CEMIP: variants seen among roughly 807,000 people sequenced by gnomAD.
The protein encoded by CEMIP is cell migration-inducing and hyaluronan-binding protein.
CEMIP carries 105 observed loss-of-function variants against 156.9 expected under a neutral mutation model. The ratio of observed to expected loss-of-function variants is 0.67; its 90% confidence interval spans 0.57 to 0.79. The LOEUF is 0.79. CEMIP is among the 30% of genes least tolerant of loss of function. The probability of loss-of-function intolerance (pLI) is 0.00; values close to 1 mark genes in which losing one functional copy is unlikely to be tolerated. For synonymous variants in CEMIP, 676 were observed against 668.4 expected (o/e 1.01, Z -0.17); for missense variants, 1,457 against 1,769.4 (o/e 0.82, Z 3.17).
chr15:80,936,632 C>T (rs775593217), intron 23 of CEMIP, 42 bp from the exon 24 acceptor site: 29 of 1,526,928 alleles, frequency 1.9e-5, no homozygotes, highest in Middle Eastern at 1.7e-4. Context: ...AATAATCCTT[C>T]GTAATAGCCT....
chr15:80,865,020 C>T (rs553779335), intron 1 of CEMIP, among the ~76,000 whole-genome samples: 45 of 152,218 alleles, frequency 3.0e-4, no homozygotes, highest in African/African-American at 9.6e-4. Flanking sequence ...GGACCTTCTA[C>T]ACCACTCTGA....
chr15:80,873,706 C>T lies in CEMIP; in HGVS notation c.-17+10C>T. The T allele has an allele frequency of 1.6e-6, 1 of 629,858 alleles. No homozygotes were observed. Among genetic ancestry groups the T allele is most frequent in the South Asian group, 1.8e-5 (1 of 56,398 alleles). 39.0% of individuals were successfully genotyped at this position (629,858 alleles called of 1,614,324 possible). A position where few individuals can be genotyped will look rare whatever the true frequency, so the allele number is the denominator to read the frequency against. ...GCTGGGGAAGCCACTGGTGAGGACG[C>T]TGCACTGGAGTGTGGGCTGGCTGAG... is the stretch of plus-strand genomic sequence containing the variant. On this transcript the variant is annotated intron_variant, in intron 2 of 29. Coordinates refer to ENST00000394685, the MANE Select transcript of CEMIP (RefSeq NM_001293298.2).
At chr15:80,820,073 G>A (rs941349400) in intron 1 of CEMIP, among the ~76,000 whole-genome samples, 1 of 152,200 alleles carries the variant, frequency 6.6e-6, no homozygotes, top group African/African-American at 2.4e-5. Flanking sequence ...CTCGGCTAAG[G>A]TCACAGCTCC....
chr15:80,896,024 T>A lies in CEMIP; in HGVS notation c.1375T>A (p.Cys459Ser). 6.2e-7 allele frequency: 1 copy of A among 1,614,160 alleles called. No individual in the cohort carries two copies. Among genetic ancestry groups the A allele is most frequent in the Non-Finnish European group, 8.5e-7 (1 of 1,180,044 alleles). ...GGCAGAAGAGTTCCAGGTGCTTCCC[T>A]GCAGATCCTGCGCCCCCAACCAGGT... is the stretch of plus-strand genomic sequence containing the variant. Reference protein sequence around the residue: ...YQAEEFQVLPCRSCAPNQVKV... With the variant: ...YQAEEFQVLPSRSCAPNQVKV... Residue 459 changes from cysteine (C) to serine (S), a missense_variant, in exon 12 of 30, where the codon TGC becomes AGC. Cys to Ser is a moderately radical substitution (Grantham distance 112). This residue lies in a region of CEMIP where 280 missense variants were observed against 300.3 expected (regional missense o/e 0.93). Transcript: ENST00000394685.
intron 3 of CEMIP, among the ~76,000 whole-genome samples, chr15:80,874,897 C>T (rs1898418932): frequency 1.3e-5 from 2 of 151,864 alleles, no homozygotes; most frequent in Admixed American, 1.3e-4. Flanking sequence ...AAGAATCTTA[C>T]ATTGAATTTA....
chr15:80,835,081 CAGAGAGAG>C (rs36062989), intron 1 of CEMIP, among the ~76,000 whole-genome samples: 36 of 150,672 alleles, frequency 2.4e-4, no homozygotes, highest in South Asian at 8.4e-4. Context: ...GTCCTCATTG[CAGAGAGAG>C]AGAGAGAGAG....
intron 1 of CEMIP, among the ~76,000 whole-genome samples, chr15:80,819,921 C>CA (rs1190032999): frequency 1.3e-5 from 2 of 152,140 alleles, no homozygotes; most frequent in Admixed American, 1.3e-4. Context: ...AGTCAGGATT[C>CA]AAAGGCAAGT....
intron 18 of CEMIP, among the ~76,000 whole-genome samples, chr15:80,925,081 T>A (rs1246112384): frequency 6.6e-6 from 1 of 152,210 alleles, no homozygotes; most frequent in Non-Finnish European, 1.5e-5. Context: ...GTCATGCCTA[T>A]AAATAAGCCT....
At position 80,848,926 on chromosome 15, in the gene CEMIP, A is replaced by ACACACACACACACACACC. The variant is rs374603705; in HGVS notation, c.-175-24611_-175-24610insACACACACACACACACCC. On this transcript the variant is annotated intron_variant, in intron 1 of 29. Coordinates refer to ENST00000394685, the MANE Select transcript of CEMIP (RefSeq NM_001293298.2). Reference sequence around the variant, plus strand: ...CACACACACACACACACACACACACACCCTGGCTTCAGGGATCTCTTTAGA... The same window carrying ACACACACACACACACACC: ...CACACACACACACACACACACACACACACACACACACACACACCCCCTGGCTTCAGGGATCTCTTTAGA... Among the ~76,000 whole-genome samples the ACACACACACACACACACC allele has an allele frequency of 3.4e-4, 45 of 131,184 alleles. 1 individual carries two copies. Among genetic ancestry groups the ACACACACACACACACACC allele is most frequent in the East Asian group, 1.2e-3 (5 of 4,180 alleles). 86.1% of individuals were successfully genotyped at this position (131,184 alleles called of 152,430 possible).
intron 1 of CEMIP, among the ~76,000 whole-genome samples, chr15:80,815,461 A>G (rs1010129205): frequency 2.6e-5 from 4 of 152,260 alleles, no homozygotes; most frequent in Non-Finnish European, 5.9e-5. Context: ...ATGAAGTAAC[A>G]TATGGAAAAT....
rs374987456 is a variant in CEMIP at position 80,942,352 on chromosome 15, C to A, written c.3699+15C>A. 7.6e-5 allele frequency: 122 copies of A among 1,606,526 alleles called. No individual in the cohort carries two copies. Among genetic ancestry groups the A allele is most frequent in the Non-Finnish European group, 9.7e-5 (114 of 1,173,152 alleles). ...CTTACATTGAAGTAAGTGCCTCTGG[C>A]CCCTGGAGGATTCGGGTTTGCTCAT... On this transcript the variant is annotated intron_variant, in intron 27 of 29. Transcript: ENST00000394685.
intron 14 of CEMIP, among the ~76,000 whole-genome samples, chr15:80,916,095 G>A (rs897425405): frequency 6.6e-5 from 10 of 152,228 alleles, no homozygotes; most frequent in African/African-American, 1.4e-4. Context: ...TTTACTTGCT[G>A]TATACAGGTT....
chr15:80,893,896 G>A (rs1899121169), intron 10 of CEMIP, among the ~76,000 whole-genome samples: 2 of 151,078 alleles, frequency 1.3e-5, no homozygotes, highest in Non-Finnish European at 2.9e-5. Context: ...GGTCCCTTTG[G>A]TCTCTATGCC....
At chr15:80,942,104 A>G (rs753464676) in intron 26 of CEMIP, 51 bp downstream of exon 26, 4 of 1,581,126 alleles carry the variant, frequency 2.5e-6, no homozygotes, top group Middle Eastern at 1.7e-4. Context: ...AGTCGGGCCT[A>G]GAGCCCTTTG....
chr15:80,806,139 T>C (rs534474471), intron 1 of CEMIP, among the ~76,000 whole-genome samples: 45 of 152,348 alleles, frequency 3.0e-4, no homozygotes, highest in African/African-American at 9.6e-4. Context: ...ACACATTTTA[T>C]TGGGGAGGCT....
At chr15:80,925,193 G>A (rs1900612543) in intron 18 of CEMIP, among the ~76,000 whole-genome samples, 1 of 152,212 alleles carries the variant, frequency 6.6e-6, no homozygotes, top group South Asian at 2.1e-4. Context: ...TCAAAAGTGG[G>A]TAACACTGGT....
intron 1 of CEMIP, among the ~76,000 whole-genome samples, chr15:80,868,774 T>C (rs1898195883): frequency 1.3e-5 from 2 of 152,188 alleles, no homozygotes; most frequent in South Asian, 4.1e-4. Context: ...GAGTATTGCT[T>C]TGAGATAGTA....
chr15:80,941,738 C>A, intron 25 of CEMIP, 111 bp from the exon 26 acceptor site: 2 of 944,214 alleles, frequency 2.1e-6, no homozygotes, highest in Non-Finnish European at 3.4e-6. Context: ...TCTATAAGGC[C>A]GCTGGGTCTA....
At chr15:80,837,761 A>C (rs1458908408) in intron 1 of CEMIP, among the ~76,000 whole-genome samples, 2 of 152,240 alleles carry the variant, frequency 1.3e-5, no homozygotes, top group African/African-American at 4.8e-5. Context: ...TTTTCATTCA[A>C]GATGCCAGCT....
Sources: allele counts gnomAD v4.1 joint callset (sites outside exome capture counted in the v4.1 genomes callset), GRCh38; gene constraint gnomAD v4.1.1; regional missense constraint gnomAD v4.1.1; transcripts MANE v1.5; gene names NCBI Gene and HGNC (gene_info 2026-07-23, HGNC 2026-07-21).